Variants in MYO1E observed in about 807,000 individuals in gnomAD.
MYO1E encodes the protein myosin IE, also known as unconventional myosin-Ie.
Under a neutral mutation model 151.1 loss-of-function variants are expected in MYO1E, and 68 were observed. The observed-to-expected ratio is 0.45, with a 90% CI of 0.37 to 0.55. The LOEUF (loss-of-function observed/expected upper bound fraction) is 0.55. Ranked by LOEUF, MYO1E falls within the 20% of genes least tolerant of loss-of-function variation. The pLI is 0.00. For synonymous variants in MYO1E, 601 were observed against 501.7 expected, an observed-to-expected ratio of 1.20 and a Z score of -2.64; for missense variants, 1,363 against 1,389.3, an observed-to-expected ratio of 0.98 and a Z score of 0.30.
intron 1 of MYO1E, among the ~76,000 whole-genome samples, chr15:59,346,830 T>C (rs1283189309): frequency 2.0e-5 from 3 of 151,438 alleles, no homozygotes; most frequent in South Asian, 2.1e-4. Flanking sequence ...GATGGGAGGA[T>C]TGATTGATCC....
intron 1 of MYO1E, among the ~76,000 whole-genome samples, chr15:59,297,974 T>C (rs1253574405): frequency 6.6e-6 from 1 of 152,194 alleles, no homozygotes; most frequent in Non-Finnish European, 1.5e-5. Context: ...CTTAGATTCA[T>C]CTTTCACATT....
At chr15:59,279,388 T>A (rs1162023118) in intron 1 of MYO1E, among the ~76,000 whole-genome samples, 1 of 152,162 alleles carries the variant, frequency 6.6e-6, no homozygotes, top group Non-Finnish European at 1.5e-5. Context: ...GAGAGTGTTG[T>A]TAATGATAAA....
intron 26 of MYO1E, among the ~76,000 whole-genome samples, chr15:59,139,891 C>T (rs532615720): frequency 4.5e-5 from 1 of 22,412 alleles, no homozygotes; most frequent in Admixed American, 6.1e-4. Context: ...ACTTCCCTCT[C>T]ATTTTATCAA....
intron 17 of MYO1E, among the ~76,000 whole-genome samples, chr15:59,189,953 A>T (rs1226227209): frequency 6.6e-6 from 1 of 152,170 alleles, no homozygotes; most frequent in Non-Finnish European, 1.5e-5. Flanking sequence ...CCCATGCCCC[A>T]CACCTTGGGG....
At chr15:59,235,866 T>G (rs1228239213) in intron 5 of MYO1E, among the ~76,000 whole-genome samples, 1 of 152,212 alleles carries the variant, frequency 6.6e-6, no homozygotes, top group African/African-American at 2.4e-5. Context: ...GCCAATCTGA[T>G]AGGCAAAAAA....
intron 2 of MYO1E, chr15:59,271,094 C>A (rs2080286446): frequency 1.3e-5 from 2 of 152,014 alleles, no homozygotes; most frequent in Non-Finnish European, 1.5e-5. Flanking sequence ...GGTCCAAATG[C>A]CTTGGAATAA....
intron 1 of MYO1E, among the ~76,000 whole-genome samples, chr15:59,296,925 C>T (rs1267916906): frequency 3.4e-5 from 5 of 145,840 alleles, no homozygotes; most frequent in Non-Finnish European, 7.5e-5. Context: ...CTGCAAGCTC[C>T]GCCTCCCGGG....
intron 14 of MYO1E, chr15:59,207,608 T>C (rs761965973): frequency 2.5e-6 from 4 of 1,614,154 alleles, no homozygotes; most frequent in African/African-American, 1.3e-5. Flanking sequence ...CGTTTCTTGA[T>C]TGGACAAAAG....
At chr15:59,270,542 TAAAAAAA>T (rs777284445) in intron 2 of MYO1E, among the ~76,000 whole-genome samples, 2 of 104,862 alleles carry the variant, frequency 1.9e-5, no homozygotes, top group African/African-American at 3.6e-5. Context: ...GACCCTGTCT[TAAAAAAA>T]AAAAAAAAAA....
chr15:59,341,016 C>CAAAAAAAAAAAAAAAAAAAAA (rs35367694), intron 1 of MYO1E, among the ~76,000 whole-genome samples: 1 of 86,282 alleles, frequency 1.2e-5, no homozygotes. Context: ...GACTCCATCT[C>CAAAAAAAAAAAAAAAAAAAAA]AAAAAAAAAA....
At chr15:59,314,044 T>C (rs1487752287) in intron 1 of MYO1E, among the ~76,000 whole-genome samples, 1 of 152,232 alleles carries the variant, frequency 6.6e-6, no homozygotes, top group African/African-American at 2.4e-5. Context: ...AGGCCTGGGC[T>C]GAGTCTGATG....
chr15:59,174,148 T>C lies in MYO1E; in HGVS notation c.2142A>G (p.Lys714=), dbSNP rs376199774. ...KSWRKFVARK[K]YVQMREEASD... is the part of the protein sequence containing the mutation. ...TACCTTCTTCTCTCATTTGAACGTA[T>C]TTCTTCCGGGCCACGAATTTCCTCC... Residue 714 remains lysine (K), a synonymous_variant, in exon 20 of 28, where the codon AAA becomes AAG. Coordinates refer to ENST00000288235, the MANE Select transcript of MYO1E (RefSeq NM_004998.4). 16 of 1,613,824 alleles carry C rather than the reference T, an allele frequency of 9.9e-6. No homozygotes were observed. The highest frequency in any genetic ancestry group is 1.3e-5 in the African/African-American group (1 of 74,940).
At chr15:59,281,019 G>C (rs1486780547) in intron 1 of MYO1E, among the ~76,000 whole-genome samples, 1 of 152,030 alleles carries the variant, frequency 6.6e-6, no homozygotes, top group African/African-American at 2.4e-5. Context: ...TGAGGACAAG[G>C]GTCCTGGATG....
intron 9 of MYO1E, among the ~76,000 whole-genome samples, chr15:59,220,213 C>T (rs1243843808): frequency 6.6e-6 from 1 of 152,220 alleles, no homozygotes; most frequent in Admixed American, 6.5e-5. Context: ...CTTTGGGAGG[C>T]CCAGGCAGGC....
Position 59,135,040 on chromosome 15 carries a change from A to T in MYO1E, c.*2340T>A, listed in dbSNP as rs777821656. ...TTTAAGATAAACCACTATTTCTCCAAACTTTTCTTAATAGTGTCAGCATTT... is the reference window on the plus strand; with the variant it reads ...TTTAAGATAAACCACTATTTCTCCATACTTTTCTTAATAGTGTCAGCATTT... On this transcript the variant is annotated 3_prime_UTR_variant, in exon 28 of 28. Transcript: ENST00000288235. 6.6e-6 allele frequency: 1 copy of T among 152,216 alleles called. No homozygotes were observed. Among genetic ancestry groups the T allele is most frequent in the Non-Finnish European group, 1.5e-5 (1 of 68,042 alleles). The allele number at this position is 152,216 out of a possible 1,614,324, so 9.4% of individuals were successfully genotyped here.
At chr15:59,214,381 A>C in intron 11 of MYO1E, 67 bp from the exon 12 acceptor site, 2 of 1,184,304 alleles carry the variant, frequency 1.7e-6, no homozygotes, top group Non-Finnish European at 2.5e-6. Flanking sequence ...TTCTGGAGTG[A>C]TTTATTGAAA....
Position 59,183,107 on chromosome 15 carries a change from C to G in MYO1E, c.1905-4570G>C, listed in dbSNP as rs972743362. Among the ~76,000 whole-genome samples the G allele has an allele frequency of 3.3e-5, 5 of 152,304 alleles. No homozygotes were observed. The East Asian group carries it at 7.7e-4, about 23-fold the overall frequency. On this transcript the variant is annotated intron_variant, in intron 18 of 27. Transcript: ENST00000288235. Reference sequence around the variant, plus strand: ...TCCTACTGTAAGGCCCAGTTCCTAACAGGCCACAGACCAGTACTGGTCCCC... The same window carrying G: ...TCCTACTGTAAGGCCCAGTTCCTAAGAGGCCACAGACCAGTACTGGTCCCC...
chr15:59,260,370 C>T (rs1184337391), intron 3 of MYO1E, among the ~76,000 whole-genome samples: 1 of 152,220 alleles, frequency 6.6e-6, no homozygotes, highest in Non-Finnish European at 1.5e-5. Flanking sequence ...CTCCAGCTAC[C>T]AGCACCATTC....
intron 19 of MYO1E, 121 bp downstream of exon 19, chr15:59,178,272 G>A (rs1162954055): frequency 6.2e-6 from 8 of 1,284,020 alleles, no homozygotes; most frequent in Non-Finnish European, 6.5e-6. Context: ...AGGCTTCTTT[G>A]AGGAGACAAC....
Sources: gnomAD v4.1 joint callset for allele counts (sites outside exome capture counted in the v4.1 genomes callset) on GRCh38, gnomAD v4.1.1 for gene constraint, MANE v1.5 for transcripts, NCBI Gene and HGNC (gene_info 2026-07-23, HGNC 2026-07-21) for gene names.